The following ARHGAP10 variants were observed in gnomAD, a reference collection of about 807,000 sequenced individuals.
The protein encoded by ARHGAP10 is Rho GTPase activating protein 10, also known as rho GTPase-activating protein 10.
ARHGAP10 carries 87 observed loss-of-function variants against 108.6 expected under a neutral mutation model. That is an observed-to-expected ratio of 0.80 (90% CI 0.67 to 0.96). The LOEUF is 0.96. Among genes scored for constraint, ARHGAP10 ranks in the 40% least tolerant of loss-of-function variants. The pLI is 0.00. For synonymous variants in ARHGAP10, 347 were observed against 341.1 expected (o/e 1.02, Z -0.19); for missense variants, 939 against 954.5 (o/e 0.98, Z 0.21).
chr4:147,903,910 TA>T (rs1225833263), intron 10 of ARHGAP10, among the ~76,000 whole-genome samples: 2 of 152,314 alleles, frequency 1.3e-5, no homozygotes, highest in Non-Finnish European at 2.9e-5. Flanking sequence ...CATAATTTGG[TA>T]GTTGTGAATA....
At chr4:147,756,883 G>GTT (rs766069125) in intron 1 of ARHGAP10, among the ~76,000 whole-genome samples, 68 of 142,340 alleles carry the variant, frequency 4.8e-4, no homozygotes, top group African/African-American at 1.4e-3. Context: ...TTGTGTAATT[G>GTT]TTTTTTTTTT....
At chr4:148,047,139 T>G (rs960485423) in intron 20 of ARHGAP10, 88 bp downstream of exon 20, 1 of 1,486,370 alleles carries the variant, frequency 6.7e-7, no homozygotes, top group African/African-American at 1.4e-5. Flanking sequence ...GACCTGTGGG[T>G]GCTGAAGCCA....
chr4:147,969,345 T>TTTTTTTTTTTTG (rs761497318), intron 18 of ARHGAP10, among the ~76,000 whole-genome samples: 1 of 129,158 alleles, frequency 7.7e-6, no homozygotes, highest in Non-Finnish European at 1.6e-5. Flanking sequence ...TTTTTTTTTT[T>TTTTTTTTTTTTG]GCCAGTGGTG....
intron 19 of ARHGAP10, among the ~76,000 whole-genome samples, chr4:148,039,018 A>G (rs1182727278): frequency 6.6e-6 from 1 of 152,142 alleles, no homozygotes; most frequent in Non-Finnish European, 1.5e-5. Flanking sequence ...AAATAATTTA[A>G]TGGGCTATCA....
At chr4:147,801,835 A>T (rs1731594225) in intron 1 of ARHGAP10, among the ~76,000 whole-genome samples, 1 of 152,186 alleles carries the variant, frequency 6.6e-6, no homozygotes, top group African/African-American at 2.4e-5. Context: ...TGCTGCAGAG[A>T]TGGAGAAATG....
At chr4:147,802,411 G>A (rs1313403328) in intron 1 of ARHGAP10, among the ~76,000 whole-genome samples, 1 of 152,214 alleles carries the variant, frequency 6.6e-6, no homozygotes, top group Admixed American at 6.5e-5. Flanking sequence ...ATATAGCTGA[G>A]CTATGATCCT....
intron 5 of ARHGAP10, chr4:147,861,404 C>A (rs1734316006): frequency 6.6e-6 from 1 of 152,542 alleles, no homozygotes; most frequent in Non-Finnish European, 1.5e-5. Flanking sequence ...GGTCTGGGCT[C>A]CCCGAAGGGC....
intron 4 of ARHGAP10, among the ~76,000 whole-genome samples, chr4:147,855,110 A>G (rs1194971729): frequency 1.3e-5 from 2 of 152,206 alleles, no homozygotes; most frequent in East Asian, 3.8e-4. Flanking sequence ...GCTTCTTACT[A>G]TGTGACCTTG....
At chr4:147,807,443 T>A (rs573768196) in intron 1 of ARHGAP10, among the ~76,000 whole-genome samples, 24 of 152,248 alleles carry the variant, frequency 1.6e-4, no homozygotes, top group Non-Finnish European at 2.8e-4. Context: ...CAGAATTATT[T>A]TTTTTTTAAA....
intron 4 of ARHGAP10, among the ~76,000 whole-genome samples, chr4:147,848,041 G>A (rs1733704710): frequency 6.6e-6 from 1 of 151,852 alleles, no homozygotes; most frequent in African/African-American, 2.4e-5. Context: ...AGGTAGGGAA[G>A]GGAGTTTTTA....
intron 18 of ARHGAP10, among the ~76,000 whole-genome samples, chr4:148,004,250 A>T (rs1011586875): frequency 2.0e-5 from 3 of 152,206 alleles, no homozygotes; most frequent in East Asian, 1.9e-4. Flanking sequence ...TACTCTACAG[A>T]TATTCTCTCA....
At chr4:148,050,945 A>C (rs943709716) in intron 20 of ARHGAP10, among the ~76,000 whole-genome samples, 1 of 152,234 alleles carries the variant, frequency 6.6e-6, no homozygotes, top group African/African-American at 2.4e-5. Context: ...ATAGGAGGCA[A>C]TGCCTTTACT....
chr4:147,764,750 G>T (rs1729724949), intron 1 of ARHGAP10, among the ~76,000 whole-genome samples: 1 of 152,008 alleles, frequency 6.6e-6, no homozygotes, highest in African/African-American at 2.4e-5. Context: ...ACCCAGGCTG[G>T]TCTTGAACTC....
intron 1 of ARHGAP10, among the ~76,000 whole-genome samples, chr4:147,761,896 G>A (rs1729605506): frequency 6.6e-6 from 1 of 152,172 alleles, no homozygotes; most frequent in Non-Finnish European, 1.5e-5. Flanking sequence ...ACTTTATGTA[G>A]CAGTAACAGC....
chr4:147,994,881 G>C (rs1232918675), intron 18 of ARHGAP10, among the ~76,000 whole-genome samples: 1 of 152,220 alleles, frequency 6.6e-6, no homozygotes, highest in East Asian at 1.9e-4. Flanking sequence ...TTTAATGAAG[G>C]AATTAGATTA....
At chr4:147,751,023 A>G (rs1280034072) in intron 1 of ARHGAP10, among the ~76,000 whole-genome samples, 3 of 151,928 alleles carry the variant, frequency 2.0e-5, no homozygotes, top group South Asian at 4.1e-4. Flanking sequence ...GCTAAAAAAT[A>G]TAAAAATTAG....
At chr4:147,803,944 A>G (rs1419784414) in intron 1 of ARHGAP10, among the ~76,000 whole-genome samples, 2 of 151,082 alleles carry the variant, frequency 1.3e-5, no homozygotes, top group African/African-American at 4.9e-5. Context: ...TTTGCCTTGG[A>G]TAAATATTCG....
chr4:147,791,124 T>TC (rs1579050405), intron 1 of ARHGAP10, among the ~76,000 whole-genome samples: 1 of 151,470 alleles, frequency 6.6e-6, no homozygotes, highest in African/African-American at 2.4e-5. Context: ...TTTTTTTTTT[T>TC]TTTTTGAGAC....
intron 1 of ARHGAP10, among the ~76,000 whole-genome samples, chr4:147,757,895 G>A (rs1349353444): frequency 1.3e-5 from 2 of 152,168 alleles, no homozygotes; most frequent in East Asian, 3.9e-4. Flanking sequence ...TACAGAACAG[G>A]TGTGCCCGAG....
Sources: allele counts gnomAD v4.1 joint callset (sites outside exome capture counted in the v4.1 genomes callset), GRCh38; gene constraint gnomAD v4.1.1; transcripts MANE v1.5; gene names NCBI Gene and HGNC (gene_info 2026-07-23, HGNC 2026-07-21).